Variants in FGF3 observed in about 807,000 individuals in gnomAD.
FGF3 encodes the protein FGF-3.
A neutral mutation model predicts 9.8 loss-of-function variants in FGF3; 7 were observed. That is an observed-to-expected ratio of 0.72 (90% CI 0.41 to 1.35). FGF3 has a LOEUF of 1.35. Ranked by LOEUF, FGF3 falls within the 40% of genes most tolerant of loss-of-function variation. The probability of loss-of-function intolerance (pLI) is 0.01; values close to 1 mark genes in which losing one functional copy is unlikely to be tolerated. For synonymous variants in FGF3, 173 were observed against 157.2 expected, an observed-to-expected ratio of 1.10 and a Z score of -0.75; for missense variants, 390 against 345.6, an observed-to-expected ratio of 1.13 and a Z score of -1.02.
chr11:69,815,476 A>C (rs1409466400), intron 2 of FGF3, among the ~76,000 whole-genome samples: 1 of 152,222 alleles, frequency 6.6e-6, no homozygotes, highest in East Asian at 1.9e-4. Flanking sequence ...TGATGAAATC[A>C]TCAGCTTCTG....
chr11:69,818,333 G>GCTGC (rs1379457321), intron 1 of FGF3, among the ~76,000 whole-genome samples: 3 of 152,208 alleles, frequency 2.0e-5, no homozygotes, highest in Non-Finnish European at 4.4e-5. Flanking sequence ...ACTTGTCAGA[G>GCTGC]CTGCCCAAAG....
chr11:69,815,801 C>T (rs72944193), intron 2 of FGF3, among the ~76,000 whole-genome samples: 8,353 of 152,200 alleles, frequency 0.055, 314 homozygotes, highest in African/African-American at 0.11. Context: ...CAAGCCAGGG[C>T]TCCAAGGCTC....
Position 69,810,671 on chromosome 11 carries a change from C to G in FGF3, c.354G>C (p.Val118=). The change falls in exon 3 of 3, where the codon GTG becomes GTC. Residue 118 remains valine (V), a synonymous_variant. Coordinates refer to ENST00000334134, the MANE Select transcript of FGF3 (RefSeq NM_005247.4). The part of the protein sequence containing the change: ...SEHYSAECEF[V]ERIHELGYNT... Reference sequence around the variant, plus strand: ...TATAGCCCAGCTCGTGGATCCGCTCCACAAACTCGCACTCGGCGCTGTAGT... The same window carrying G: ...TATAGCCCAGCTCGTGGATCCGCTCGACAAACTCGCACTCGGCGCTGTAGT... 6.3e-7 allele frequency: 1 copy of G among 1,591,692 alleles called. No individual in the cohort carries two copies.
rs1346755635 is a variant in FGF3, at chr11:69,810,423, GGTC to G, written c.599_601del (p.Arg200_Pro201delinsThr). On this transcript the variant is annotated inframe_deletion, in exon 3 of 3. Coordinates refer to ENST00000334134, the MANE Select transcript of FGF3 (RefSeq NM_005247.4). ...TCGGGGCTGGACCCCCTTACCAGGG[GGTC>G]TGGGCAGCCCACTCTGTAGCTGCCG... 3.8e-6 allele frequency: 6 copies of G among 1,582,454 alleles called. No individual in the cohort carries two copies. The highest frequency in any genetic ancestry group is 3.3e-4 in the Middle Eastern group (2 of 6,026).
intron 2 of FGF3, among the ~76,000 whole-genome samples, chr11:69,813,168 G>C (rs1396527938): frequency 6.6e-6 from 1 of 152,202 alleles, no homozygotes; most frequent in Non-Finnish European, 1.5e-5. Flanking sequence ...TTGTTGAGGA[G>C]GTGACTTCTA....
At chr11:69,811,867 C>T (rs1554980493) in intron 2 of FGF3, among the ~76,000 whole-genome samples, 1 of 152,204 alleles carries the variant, frequency 6.6e-6, no homozygotes, top group African/African-American at 2.4e-5. Flanking sequence ...GGACCCTGCC[C>T]TCTCAAAGGC....
At chr11:69,811,204 T>C (rs1261062606) in intron 2 of FGF3, among the ~76,000 whole-genome samples, 1 of 151,974 alleles carries the variant, frequency 6.6e-6, no homozygotes, top group African/African-American at 2.4e-5. Flanking sequence ...TCCCAGCAGT[T>C]TGGGAGGCCG....
intron 2 of FGF3, 94 bp downstream of exon 2, chr11:69,816,225 AG>A: frequency 1.0e-6 from 1 of 983,482 alleles, no homozygotes; most frequent in South Asian, 1.3e-5. Flanking sequence ...CCCTTGGCAA[AG>A]CATTCTACTG....
At chr11:69,814,288 G>A (rs552212695) in intron 2 of FGF3, among the ~76,000 whole-genome samples, 1 of 152,164 alleles carries the variant, frequency 6.6e-6, no homozygotes, top group African/African-American at 2.4e-5. Context: ...GGGCTGAAGA[G>A]ATGCAGGGGC....
chr11:69,816,397 C>T lies in FGF3; in HGVS notation c.247G>A (p.Val83Met), dbSNP rs1381894272. The part of the protein sequence containing the change: ...YSILEITAVE[V>M]GIVAIRGLFS... ...AGACCCCTGATGGCCACAATGCCCA[C>T]CTCCACTGCCGTTATCTCCAAAATA... Residue 83 changes from valine to methionine, a missense_variant, in exon 2 of 3, where the codon GTG (valine) becomes ATG (methionine). By Grantham distance (21) the Val-to-Met change is conservative. Transcript: ENST00000334134. The T allele has an allele frequency of 6.2e-7, 1 of 1,613,922 alleles. No homozygotes were observed. The highest frequency in any genetic ancestry group is 1.3e-5 in the African/African-American group (1 of 74,926).
At position 69,812,954 on chromosome 11, in the gene FGF3, G is replaced by A. The variant is rs540934319; in HGVS notation, c.325-2254C>T. On this transcript the variant is annotated intron_variant, in intron 2 of 2. Transcript: ENST00000334134. The stretch of plus-strand genomic sequence containing the variant: ...TGACACGTGGTAGGGCACCTGGGGT[G>A]GCCAAGATGACCAGGGCAGAAGGTG... Among the ~76,000 whole-genome samples, 7 of 152,244 alleles carry A rather than the reference G, an allele frequency of 4.6e-5. No individual in the cohort carries two copies. The East Asian group carries it at 1.4e-3, about 29-fold the overall frequency.
chr11:69,818,970 C>A lies in FGF3; in HGVS notation c.-37G>T. ...GCCCGCCCCGCGGCGGCGGCGGCTG[C>A]AGGCGAGCGCGGCGCCCATGGAAGG... On this transcript the variant is annotated 5_prime_UTR_variant, in exon 1 of 3. Coordinates refer to ENST00000334134, the MANE Select transcript of FGF3 (RefSeq NM_005247.4). The A allele has an allele frequency of 7.3e-7, 1 of 1,371,008 alleles. No individual in the cohort carries two copies. The highest frequency in any genetic ancestry group is 9.6e-7 in the Non-Finnish European group (1 of 1,038,730). The allele number at this position is 1,371,008 out of a possible 1,614,324, so 84.9% of individuals were successfully genotyped here.
chr11:69,818,706 G>A lies in FGF3; in HGVS notation c.220+8C>T, dbSNP rs1554981379. On this transcript the variant is annotated splice_region_variant and intron_variant, in intron 1 of 2. Transcript: ENST00000334134. ...TTCCCCCGGGGCCCCGCAGCGTCCG[G>A]CACTCACTGTAGGCGCTGTTCTCCA... is the stretch of plus-strand genomic sequence containing the variant. The A allele has an allele frequency of 6.8e-7, 1 of 1,476,636 alleles. No homozygotes were observed. Among genetic ancestry groups the A allele is most frequent in the African/African-American group, 1.5e-5 (1 of 68,290 alleles). 91.5% of individuals were successfully genotyped at this position (1,476,636 alleles called of 1,614,324 possible).
chr11:69,810,209 G>T lies in FGF3; in HGVS notation c.*96C>A. 8.3e-7 allele frequency: 1 copy of T among 1,209,450 alleles called. No individual in the cohort carries two copies. The highest frequency in any genetic ancestry group is 1.6e-5 in the South Asian group (1 of 64,078). 74.9% of individuals were successfully genotyped at this position (1,209,450 alleles called of 1,614,324 possible). On this transcript the variant is annotated 3_prime_UTR_variant, in exon 3 of 3. Transcript: ENST00000334134. ...GGAAATAGCTGAGAACCCAGACGCG[G>T]GACGCAGGGGCAAGGGCTCAAGGAG...
At position 69,810,117 on chromosome 11, in the gene FGF3, C is replaced by G. The variant is rs372835674; in HGVS notation, c.*188G>C. The G allele has an allele frequency of 3.1e-5, 18 of 582,368 alleles. No homozygotes were observed. The East Asian group carries it at 5.3e-4, about 17-fold the overall frequency. 36.1% of individuals were successfully genotyped at this position (582,368 alleles called of 1,614,324 possible). On this transcript the variant is annotated 3_prime_UTR_variant, in exon 3 of 3. Coordinates refer to ENST00000334134, the MANE Select transcript of FGF3 (RefSeq NM_005247.4). ...ACCCACAAATGCCCTGCATTGCAGG[C>G]AGCCCCCTCCGAGCTCCGACTTGGG... is the stretch of plus-strand genomic sequence containing the variant.
intron 2 of FGF3, among the ~76,000 whole-genome samples, chr11:69,813,143 G>T (rs368595306): frequency 5.9e-5 from 9 of 152,172 alleles, no homozygotes; most frequent in Non-Finnish European, 1.0e-4. Flanking sequence ...GGAGGAAGCC[G>T]ACTCCGAAGC....
At position 69,812,639 on chromosome 11, in the gene FGF3, G is replaced by A. The variant is rs143470121; in HGVS notation, c.325-1939C>T. Among the ~76,000 whole-genome samples the A allele has an allele frequency of 2.1e-3, 318 of 152,238 alleles. 4 individuals carry two copies. The highest frequency in any genetic ancestry group is 6.5e-3 in the African/African-American group (269 of 41,548). On this transcript the variant is annotated intron_variant, in intron 2 of 2. Transcript: ENST00000334134. The stretch of plus-strand genomic sequence containing the variant: ...GCTCAGCGACTATCTGGGAATGAGC[G>A]GGTGGGCTCAGGGCCGACTTCCCCA...
intron 2 of FGF3, among the ~76,000 whole-genome samples, chr11:69,811,023 T>C (rs1031756756): frequency 8.5e-5 from 13 of 152,206 alleles, no homozygotes; most frequent in Non-Finnish European, 1.6e-4. Flanking sequence ...CAAAGGGATG[T>C]GTAGGGTTGT....
intron 1 of FGF3, 94 bp downstream of exon 1, chr11:69,818,620 C>T (rs1400646935): frequency 1.6e-5 from 15 of 943,808 alleles, no homozygotes; most frequent in South Asian, 2.4e-5. Context: ...TCCCCGGCGC[C>T]GCCTCCCCCG....
Sources: allele counts gnomAD v4.1 joint callset (sites outside exome capture counted in the v4.1 genomes callset), GRCh38; gene constraint gnomAD v4.1.1; transcripts MANE v1.5; gene names NCBI Gene and HGNC (gene_info 2026-07-23, HGNC 2026-07-21).